Variants in ZNF28 observed in about 807,000 individuals in gnomAD.
The protein encoded by ZNF28 is zinc finger protein KOX24.
In ZNF28, 5 loss-of-function variants were observed where a neutral mutation model predicts 7.2. The observed-to-expected ratio is 0.70, with a 90% CI of 0.36 to 1.46. The LOEUF is 1.46. ZNF28 is among the 40% of genes most tolerant of loss of function. The pLI is 0.03. For missense variants in ZNF28, 879 were observed against 866.6 expected (o/e 1.01, Z -0.18); for synonymous variants, 288 against 292.4 (o/e 0.99, Z 0.15).
At position 52,802,825 on chromosome 19, in the gene ZNF28, A is replaced by C. The variant is rs148647604; in HGVS notation, c.143-1123T>G. On this transcript the variant is annotated intron_variant, in intron 3 of 3. Coordinates refer to ENST00000457749, the MANE Select transcript of ZNF28 (RefSeq NM_006969.5). ...GCCCAGGCTGGAGTGCAGTGGCATG[A>C]TCTCGGCTCACTGCAAGCTCCACCT... is the stretch of plus-strand genomic sequence containing the variant. Among the ~76,000 whole-genome samples the C allele has an allele frequency of 6.6e-3, 930 of 141,644 alleles. 54 individuals are homozygous for C. The East Asian group carries it at 0.12, about 18-fold the overall frequency. The allele number at this position is 141,644 out of a possible 152,430, so 92.9% of individuals were successfully genotyped here.
rs1388530080 is a variant in ZNF28, at chr19:52,810,279, A to T, written c.16-2146T>A. 2.7e-6 allele frequency: 4 copies of T among 1,457,474 alleles called. No individual in the cohort carries two copies. The African/African-American group carries it at 5.6e-5, about 20-fold the overall frequency. 90.3% of individuals were successfully genotyped at this position (1,457,474 alleles called of 1,614,324 possible). A position where few individuals can be genotyped will look rare whatever the true frequency, so the allele number is the denominator to read the frequency against. ...CAATGCTGGCCCAGTGATCACGTCC[A>T]TTGAGGAGAAGATGGAGGCTGATGC... is the stretch of plus-strand genomic sequence containing the variant. On this transcript the variant is annotated intron_variant, in intron 2 of 3. Transcript: ENST00000457749.
intron 3 of ZNF28, 56 bp from the exon 4 acceptor site, chr19:52,801,758 T>C: frequency 6.8e-7 from 1 of 1,467,800 alleles, no homozygotes; most frequent in Non-Finnish European, 9.3e-7. Flanking sequence ...TGTATAATAC[T>C]GAAATGTGTA....
intron 3 of ZNF28, among the ~76,000 whole-genome samples, chr19:52,802,375 CAAAA>C (rs1393629505): frequency 3.0e-5 from 1 of 33,632 alleles, no homozygotes. Flanking sequence ...CTCAAAAAAA[CAAAA>C]AAACAAACAA....
At position 52,797,731 on chromosome 19, in the gene ZNF28, C is replaced by T. The variant is rs9917029; in HGVS notation, c.*1957G>A. 134,521 of 152,638 alleles carry T rather than the reference C, an allele frequency of 0.88. 59,504 individuals carry two copies. The highest frequency in any genetic ancestry group is 0.9 in the Middle Eastern group (266 of 294). 9.5% of individuals were successfully genotyped at this position (152,638 alleles called of 1,614,324 possible). On this transcript the variant is annotated 3_prime_UTR_variant, in exon 4 of 4. Coordinates refer to ENST00000457749, the MANE Select transcript of ZNF28 (RefSeq NM_006969.5). ...CATATAAATACACATACAATCCATA[C>T]TGATTGGAAAAATTAGTATTGCTCA...
At chr19:52,806,083 A>C (rs942129738) in intron 3 of ZNF28, 6 of 152,252 alleles carry the variant, frequency 3.9e-5, no homozygotes, top group Admixed American at 3.9e-4. Flanking sequence ...AAAAGGCATG[A>C]AAAACACTGT....
At chr19:52,821,219 G>A (rs924097012) in intron 1 of ZNF28, among the ~76,000 whole-genome samples, 2 of 152,106 alleles carry the variant, frequency 1.3e-5, no homozygotes, top group African/African-American at 4.8e-5. Flanking sequence ...TGGGGTCGCC[G>A]CGCTGTGCTC....
At chr19:52,809,185 C>T (rs1444394230) in intron 2 of ZNF28, among the ~76,000 whole-genome samples, 3 of 152,096 alleles carry the variant, frequency 2.0e-5, no homozygotes, top group Non-Finnish European at 4.4e-5. Context: ...TGGAAATGCC[C>T]CATCCTAGAA....
rs2062819297 is a variant in ZNF28 at position 52,798,145 on chromosome 19, A to G, written c.*1543T>C. ...TCTCAAAAACAAAAACAAAAAAAAG[A>G]AAAAAGAAAGAAAGAATAGAAATGA... On this transcript the variant is annotated 3_prime_UTR_variant, in exon 4 of 4. Transcript: ENST00000457749. The G allele has an allele frequency of 6.3e-6, 1 of 157,668 alleles. No individual in the cohort carries two copies. The highest frequency in any genetic ancestry group is 6.4e-5 in the Admixed American group (1 of 15,642). The allele number at this position is 157,668 out of a possible 1,614,324, so 9.8% of individuals were successfully genotyped here. A position where few individuals can be genotyped will look rare whatever the true frequency, so the allele number is the denominator to read the frequency against.
At chr19:52,806,078 G>A (rs910627300) in intron 3 of ZNF28, 2 of 152,006 alleles carry the variant, frequency 1.3e-5, no homozygotes, top group African/African-American at 4.8e-5. Context: ...AAAATAAAAG[G>A]CATGAAAAAC....
chr19:52,820,347 G>A lies in ZNF28; in HGVS notation c.-74+1239C>T, dbSNP rs913867934. ...TTAGCCAGGATGGTCTCGATCTCCTGACCTCATGATCCACCCGCCTCGGCC... is the reference window on the plus strand; with the variant it reads ...TTAGCCAGGATGGTCTCGATCTCCTAACCTCATGATCCACCCGCCTCGGCC... On this transcript the variant is annotated intron_variant, in intron 1 of 3. Coordinates refer to ENST00000457749, the MANE Select transcript of ZNF28 (RefSeq NM_006969.5). 3.6e-5 allele frequency among the ~76,000 whole-genome samples: 5 copies of A among 137,060 alleles called. 2 individuals are homozygous for A. Among genetic ancestry groups the A allele is most frequent in the African/African-American group, 1.5e-4 (5 of 32,670 alleles). The allele number at this position is 137,060 out of a possible 152,430, so 89.9% of individuals were successfully genotyped here.
chr19:52,800,284 T>C lies in ZNF28; in HGVS notation c.1561A>G (p.Lys521Glu). Residue 521 changes from lysine (K) to glutamate (E), a missense_variant, in exon 4 of 4, where the codon AAA becomes GAA. By Grantham distance (56) the Lys-to-Glu change is moderately conservative (BLOSUM62 1). Coordinates refer to ENST00000457749, the MANE Select transcript of ZNF28 (RefSeq NM_006969.5). ...TEHQRVHTGE[K>E]PYMCNECGKV... ...CCACATTCATTACACATGTATGGTT[T>C]CTCTCCAGTATGAACTCTCTGATGT... The C allele has an allele frequency of 6.2e-7, 1 of 1,607,312 alleles. No individual in the cohort carries two copies. The highest frequency in any genetic ancestry group is 8.5e-7 in the Non-Finnish European group (1 of 1,175,564).
chr19:52,819,116 GA>G (rs1451192649), intron 1 of ZNF28, among the ~76,000 whole-genome samples: 1 of 139,496 alleles, frequency 7.2e-6, no homozygotes, highest in African/African-American at 2.8e-5. Flanking sequence ...TTTGATGTTT[GA>G]AAAAAGAGAA....
intron 2 of ZNF28, among the ~76,000 whole-genome samples, chr19:52,817,549 T>C (rs12461058): frequency 0.58 from 88,546 of 151,382 alleles, 27,084 homozygotes; most frequent in Non-Finnish European, 0.69. Flanking sequence ...TTTTCTAGAA[T>C]TGACCACGTA....
chr19:52,815,528 A>ATTT (rs1387915162), intron 2 of ZNF28, among the ~76,000 whole-genome samples: 1 of 145,524 alleles, frequency 6.9e-6, no homozygotes, highest in Non-Finnish European at 1.5e-5. Context: ...AAAAAAATAA[A>ATTT]TAAAAAAAAT....
At chr19:52,819,460 C>T (rs1244315731) in intron 1 of ZNF28, among the ~76,000 whole-genome samples, 2 of 118,434 alleles carry the variant, frequency 1.7e-5, no homozygotes, top group African/African-American at 7.0e-5. Flanking sequence ...ACTGGGCACT[C>T]CCCTCTACCA....
At chr19:52,809,657 A>G (rs910015320) in intron 2 of ZNF28, among the ~76,000 whole-genome samples, 1 of 152,150 alleles carries the variant, frequency 6.6e-6, no homozygotes, top group African/African-American at 2.4e-5. Context: ...AATACAAAAA[A>G]TAGCCAGACG....
At chr19:52,808,949 A>C (rs759944989) in intron 2 of ZNF28, among the ~76,000 whole-genome samples, 2 of 152,240 alleles carry the variant, frequency 1.3e-5, no homozygotes, top group Non-Finnish European at 2.9e-5. Flanking sequence ...CATTTGTCCC[A>C]GATTTTCAAA....
At chr19:52,813,731 CAGA>C (rs2063086113) in intron 2 of ZNF28, among the ~76,000 whole-genome samples, 1 of 145,944 alleles carries the variant, frequency 6.9e-6, no homozygotes, top group Non-Finnish European at 1.5e-5. Flanking sequence ...TTTCTGCAGC[CAGA>C]AGATCTCCGT....
At chr19:52,816,873 A>AATAATAATAAT (rs1245157536) in intron 2 of ZNF28, among the ~76,000 whole-genome samples, 5 of 104,998 alleles carry the variant, frequency 4.8e-5, no homozygotes, top group African/African-American at 1.8e-4. Context: ...ATAATAATAA[A>AATAATAATAAT]ACGTGGAATG....
Sources: allele counts gnomAD v4.1 joint callset (sites outside exome capture counted in the v4.1 genomes callset), GRCh38; gene constraint gnomAD v4.1.1; transcripts MANE v1.5; gene names NCBI Gene and HGNC (gene_info 2026-07-23, HGNC 2026-07-21).